Variants in ZFYVE26 observed in about 807,000 individuals in gnomAD.
ZFYVE26 encodes zinc finger FYVE domain-containing protein 26.
ZFYVE26 carries 181 observed loss-of-function variants against 276.5 expected under a neutral mutation model. The observed-to-expected ratio is 0.65, with a 90% CI of 0.58 to 0.74. The LOEUF (loss-of-function observed/expected upper bound fraction) is 0.74. ZFYVE26 is among the 30% of genes least tolerant of loss of function. ZFYVE26 has a pLI of 0.00. For missense variants in ZFYVE26, 2,821 were observed against 3,097.9 expected (o/e 0.91, Z 2.12); for synonymous variants, 1,129 against 1,203.1 (o/e 0.94, Z 1.27).
rs756442639 is a variant in ZFYVE26 at position 67,783,369 on chromosome 14, G to A, written c.3783C>T (p.Ala1261=). Residue 1261 remains alanine, a synonymous_variant, in exon 21 of 42, where the codon GCC becomes GCT. Coordinates refer to ENST00000347230, the MANE Select transcript of ZFYVE26 (RefSeq NM_015346.4). ...TRLGTLAQLH[A]SHCLDDLPLS... Reference sequence around the variant, plus strand: ...GTGGGAGGTCATCCAGGCAGTGAGAGGCGTGTAGCTGGGCCAGAGTACCCA... The same window carrying A: ...GTGGGAGGTCATCCAGGCAGTGAGAAGCGTGTAGCTGGGCCAGAGTACCCA... 12 of 1,613,838 alleles carry A rather than the reference G, an allele frequency of 7.4e-6. No homozygotes were observed. The East Asian group carries it at 8.9e-5, about 12-fold the overall frequency.
chr14:67,794,130 C>A, intron 13 of ZFYVE26, 41 bp downstream of exon 13: 1 of 1,598,002 alleles, frequency 6.3e-7, no homozygotes, highest in Non-Finnish European at 8.6e-7. Context: ...TATATCAGGG[C>A]AAAGCTGCTC....
rs1454983403 is a variant in ZFYVE26, at chr14:67,815,985, G to C, written c.-22C>G. The C allele has an allele frequency of 6.3e-7, 1 of 1,587,966 alleles. No individual in the cohort carries two copies. The highest frequency in any genetic ancestry group is 8.6e-7 in the Non-Finnish European group (1 of 1,166,934). On this transcript the variant is annotated 5_prime_UTR_variant, in exon 2 of 42. Transcript: ENST00000347230. ...TCATTTTCCCAGCACAGAGTGCAGG[G>C]AGATACAAAGAAATGAGTTATGCCG... is the stretch of plus-strand genomic sequence containing the variant.
At chr14:67,781,017 C>A (rs1009821338) in intron 22 of ZFYVE26, among the ~76,000 whole-genome samples, 1 of 152,098 alleles carries the variant, frequency 6.6e-6, no homozygotes, top group Non-Finnish European at 1.5e-5. Flanking sequence ...TTATAGAAGA[C>A]ACAATATACA....
chr14:67,783,548 C>T, intron 20 of ZFYVE26, 23 bp from the exon 21 acceptor site: 2 of 1,609,360 alleles, frequency 1.2e-6, no homozygotes, highest in Non-Finnish European at 1.7e-6. Context: ...AAGCAGAAAG[C>T]ATACAAGGCC....
intron 5 of ZFYVE26, among the ~76,000 whole-genome samples, chr14:67,807,142 C>G (rs1183322878): frequency 1.3e-5 from 2 of 152,148 alleles, no homozygotes; most frequent in African/African-American, 4.8e-5. Context: ...TGGGAACTCA[C>G]TATGTTGCAG....
intron 40 of ZFYVE26, chr14:67,751,464 C>T (rs924945297): frequency 2.9e-6 from 1 of 341,140 alleles, no homozygotes; most frequent in Non-Finnish European, 5.7e-6. Context: ...CACTATAGTC[C>T]AAAACTCCTG....
rs1316642363 is a variant in ZFYVE26 at position 67,777,563 on chromosome 14, G to A, written c.4970C>T (p.Ser1657Phe). The A allele has an allele frequency of 6.2e-7, 1 of 1,613,574 alleles. No individual in the cohort carries two copies. Among genetic ancestry groups the A allele is most frequent in the Non-Finnish European group, 8.5e-7 (1 of 1,179,950 alleles). ...HREIQALYVGSKILLTLPEQH... is the reference protein window; with the variant it reads ...HREIQALYVGFKILLTLPEQH... ...GATTTCACGGTGTATCCTTACCTTG[G>A]ATCCCACATACAGCGCCTGGATTTC... The change falls in exon 25 of 42, where the codon TCC (serine) becomes TTC (phenylalanine). Residue 1657 changes from serine to phenylalanine, a missense_variant. Coordinates refer to ENST00000347230, the MANE Select transcript of ZFYVE26 (RefSeq NM_015346.4).
At position 67,753,718 on chromosome 14, in the gene ZFYVE26, G is replaced by A. The variant is rs971522554; in HGVS notation, c.7177C>T (p.Arg2393Cys). 5.6e-6 allele frequency: 9 copies of A among 1,613,498 alleles called. No individual in the cohort carries two copies. Among genetic ancestry groups the A allele is most frequent in the African/African-American group, 2.7e-5 (2 of 74,896 alleles). Residue 2393 changes from arginine (R) to cysteine (C), a missense_variant, in exon 39 of 42, where the codon CGT (arginine) becomes TGT (cysteine). Coordinates refer to ENST00000347230, the MANE Select transcript of ZFYVE26 (RefSeq NM_015346.4). ...NVEDGFGIAF[R>C]VLQDFQLDAA... is the part of the protein sequence containing the mutation. ...GATCCAAGTCATACCTGCAGAACAC[G>A]GAAAGCAATTCCAAAACCATCTTCT...
At chr14:67,796,280 A>G (rs2039951285) in intron 12 of ZFYVE26, 1 of 150,982 alleles carries the variant, frequency 6.6e-6, no homozygotes, top group Non-Finnish European at 1.5e-5. Flanking sequence ...CCAGTGGCAC[A>G]ATCTCAGCTC....
At chr14:67,740,469 ATTT>A (rs150335845) in intron 13 of ZFYVE26, among the ~76,000 whole-genome samples, 2,281 of 152,260 alleles carry the variant, frequency 0.015, 61 homozygotes, top group African/African-American at 0.047. Context: ...AATGTGGAAT[ATTT>A]TTATTTTTTG....
rs1295755702 is a variant in ZFYVE26, at chr14:67,805,534, G to C, written c.1102C>G (p.Leu368Val). 1.9e-6 allele frequency: 3 copies of C among 1,614,220 alleles called. No individual in the cohort carries two copies. ...LDREFRPLSC[L>V]LVLLGWTHCQ... ...TGTGTCCAGCCCAGGAGTACAAGCAGGCAACTGAGGGGCCTGAATTCTCTA... is the reference window on the plus strand; with the variant it reads ...TGTGTCCAGCCCAGGAGTACAAGCACGCAACTGAGGGGCCTGAATTCTCTA... Residue 368 changes from leucine (L) to valine (V), a missense_variant, in exon 7 of 42, where the codon CTG becomes GTG. Transcript: ENST00000347230.
At position 67,756,097 on chromosome 14, in the gene ZFYVE26, T is replaced by C. The variant is rs1258163042; in HGVS notation, c.6637A>G (p.Lys2213Glu). Residue 2213 changes from lysine (K) to glutamate (E), a missense_variant, in exon 36 of 42, where the codon AAA becomes GAA. Coordinates refer to ENST00000347230, the MANE Select transcript of ZFYVE26 (RefSeq NM_015346.4). ...TCCAAAGTGTGTAGCTTCCCACTTTTATAGCTTGGTTGGAAAATGCCTTCT... is the reference window on the plus strand; with the variant it reads ...TCCAAAGTGTGTAGCTTCCCACTTTCATAGCTTGGTTGGAAAATGCCTTCT... ...FIEGIFQPSY[K>E]SGKLHTLENL... 3.7e-6 allele frequency: 6 copies of C among 1,614,106 alleles called. No individual in the cohort carries two copies. Among genetic ancestry groups the C allele is most frequent in the Non-Finnish European group, 4.2e-6 (5 of 1,180,054 alleles).
chr14:67,776,224 C>T (rs1773271936), intron 25 of ZFYVE26, 118 bp from the exon 26 acceptor site: 2 of 1,399,476 alleles, frequency 1.4e-6, no homozygotes, highest in South Asian at 1.2e-5. Context: ...TAGCCAGCTA[C>T]TGAAACAGAC....
chr14:67,735,280 G>A (rs1482141851), intron 13 of ZFYVE26: 9 of 939,470 alleles, frequency 9.6e-6, no homozygotes, highest in South Asian at 5.2e-5. Context: ...GAATCGCCTC[G>A]TGCTCAGGCT....
chr14:67,754,538 C>T (rs144870192), intron 37 of ZFYVE26, among the ~76,000 whole-genome samples: 3 of 152,216 alleles, frequency 2.0e-5, no homozygotes, highest in East Asian at 3.9e-4. Flanking sequence ...AGTTTATAGG[C>T]TGGAAGAGAA....
chr14:67,786,194 A>G lies in ZFYVE26; in HGVS notation c.3059T>C (p.Ile1020Thr). Residue 1020 changes from isoleucine (I) to threonine (T), a missense_variant, in exon 17 of 42, where the codon ATT (isoleucine) becomes ACT (threonine). Ile to Thr is a moderately conservative substitution (Grantham distance 89). Transcript: ENST00000347230. ...IDHVLLNADG[I>T]RGFPVVLQQI... ...CTGAAGAACAACTGGAAAACCTCGAATGCCATCAGCATTTAGGAGTACGTG... is the reference window on the plus strand; with the variant it reads ...CTGAAGAACAACTGGAAAACCTCGAGTGCCATCAGCATTTAGGAGTACGTG... 1 of 1,607,252 alleles carries G rather than the reference A, an allele frequency of 6.2e-7. No individual in the cohort carries two copies. The highest frequency in any genetic ancestry group is 1.3e-5 in the African/African-American group (1 of 74,584).
chr14:67,794,234 G>A lies in ZFYVE26; in HGVS notation c.2338C>T (p.Arg780Ter), dbSNP rs941230062. Residue 780 changes from arginine to a stop codon, truncating the protein, a stop_gained, in exon 13 of 42, where the codon CGA (arginine) becomes TGA (stop). Transcript: ENST00000347230. LOFTEE classifies it high-confidence loss of function. ...AGGGATGGGTTTGAACCTCTGTCTC[G>A]GCCATCTACAGGTATTGGGAAGAAG... ...RRTRRSQADG[R>*]DRGSNPSLES... 4.3e-6 allele frequency: 7 copies of A among 1,614,092 alleles called. No individual in the cohort carries two copies. The highest frequency in any genetic ancestry group is 5.1e-6 in the Non-Finnish European group (6 of 1,179,940).
At position 67,777,638 on chromosome 14, in the gene ZFYVE26, T is replaced by A; in HGVS notation, c.4895A>T (p.Asn1632Ile). ...TSLATSHFLANYLTTHFYGQL... is the reference protein window; with the variant it reads ...TSLATSHFLAIYLTTHFYGQL... The stretch of plus-strand genomic sequence containing the variant: ...TCCATAGAAGTGGGTGGTGAGGTAG[T>A]TGGCCAAGAAGTGAGAAGTGGCCAA... Residue 1632 changes from asparagine to isoleucine, a missense_variant, in exon 25 of 42, where the codon AAC (asparagine) becomes ATC (isoleucine). Physicochemically the swap from Asn to Ile is moderately radical, Grantham distance 149. Transcript: ENST00000347230. 1 of 1,614,142 alleles carries A rather than the reference T, an allele frequency of 6.2e-7. No homozygotes were observed.
At position 67,786,122 on chromosome 14, in the gene ZFYVE26, G is replaced by A. The variant is rs765798468; in HGVS notation, c.3131C>T (p.Thr1044Ile). 2.5e-6 allele frequency: 4 copies of A among 1,614,140 alleles called. No individual in the cohort carries two copies. In the East Asian group the frequency reaches 6.7e-5, roughly 27 times the overall value. Reference sequence around the variant, plus strand: ...AGAAAAAAGCAACTCACCTGATTTGGTTTGACTGGCTGACATAAGCAGATA... The same window carrying A: ...AGAAAAAAGCAACTCACCTGATTTGATTTGACTGGCTGACATAAGCAGATA... ...LNYLLMSASQ[T>I]KSESVEEKGG... is the part of the protein sequence containing the mutation. The change falls in exon 17 of 42, where the codon ACC becomes ATC. Residue 1044 changes from threonine to isoleucine, a missense_variant. Transcript: ENST00000347230.
Sources: allele counts gnomAD v4.1 joint callset (sites outside exome capture counted in the v4.1 genomes callset), GRCh38; gene constraint gnomAD v4.1.1; transcripts MANE v1.5; gene names NCBI Gene and HGNC (gene_info 2026-07-23, HGNC 2026-07-21).